SLFN13: variants seen among roughly 807,000 people sequenced by gnomAD.
SLFN13 encodes the protein schlafen-13.
A neutral mutation model predicts 50.6 loss-of-function variants in SLFN13; 43 were observed. The ratio of observed to expected loss-of-function variants is 0.85; its 90% CI spans 0.67 to 1.09. The LOEUF (loss-of-function observed/expected upper bound fraction) is 1.09, where lower values mean the gene tolerates loss of function less well. Ranked by LOEUF, SLFN13 falls within the 50% of genes least tolerant of loss-of-function variation. The pLI, the probability that SLFN13 is intolerant of heterozygous loss-of-function variation, is 0.00. For missense variants in SLFN13, 881 were observed against 1,071.1 expected (o/e 0.82, Z 2.48); for synonymous variants, 339 against 386.5 (o/e 0.88, Z 1.44).
chr17:35,444,455 T>C (rs1567863413), intron 3 of SLFN13, among the ~76,000 whole-genome samples, 160 bp downstream of exon 3: 1 of 152,236 alleles, frequency 6.6e-6, no homozygotes, highest in Non-Finnish European at 1.5e-5. Flanking sequence ...CATTTTGGCT[T>C]TTTCTCACCC....
chr17:35,444,852 T>C lies in SLFN13; in HGVS notation c.829A>G (p.Ile277Val), dbSNP rs553999192. The C allele has an allele frequency of 1.4e-5, 23 of 1,614,246 alleles. No homozygotes were observed. The South Asian group carries it at 2.3e-4, about 16-fold the overall frequency. The change falls in exon 3 of 6, where the codon ATT becomes GTT. Residue 277 changes from isoleucine to valine, a missense_variant. Transcript: ENST00000285013. ...DSLKNVIARAISKLPIVHFCS... is the reference protein window; with the variant it reads ...DSLKNVIARAVSKLPIVHFCS... The stretch of plus-strand genomic sequence containing the variant: ...AAATGAACAATGGGCAACTTAGAAA[T>C]TGCTCTTGCAATTACATTTTTCAAA...
Position 35,443,911 on chromosome 17 carries a change from G to A in SLFN13, c.1076C>T (p.Pro359Leu), listed in dbSNP as rs560433940. 1.2e-4 allele frequency: 191 copies of A among 1,612,666 alleles called. 1 individual carries two copies. The South Asian group carries it at 1.9e-3, about 16-fold the overall frequency. The change falls in exon 4 of 6, where the codon CCA becomes CTA. Residue 359 changes from proline to leucine, a missense_variant. Around this residue, in one of 5 missense-constraint regions of SLFN13, gnomAD observed 497 missense variants for 518.3 expected, o/e 0.96. Transcript: ENST00000285013. Reference sequence around the variant, plus strand: ...AGACTCAAAGGCCTCAGCAAAGTCTGGAGGAAACTCTGAAAGAAAGAACAT... The same window carrying A: ...AGACTCAAAGGCCTCAGCAAAGTCTAGAGGAAACTCTGAAAGAAAGAACAT... ...KMMDADPEFP[P>L]DFAEAFESQL...
chr17:35,448,045 T>TTAC (rs1251424030), intron 1 of SLFN13, among the ~76,000 whole-genome samples: 2 of 148,946 alleles, frequency 1.3e-5, no homozygotes, highest in Non-Finnish European at 3.0e-5. Flanking sequence ...TAGTATTATA[T>TTAC]TATTATTATT....
rs368732471 is a variant in SLFN13 at position 35,444,780 on chromosome 17, C to G, written c.901G>C (p.Val301Leu). ...RVEYSTKIVE[V>L]FCGKELYGYL... ...CCATACAACTCTTTCCCACAAAACACTTCTACGATTTTGGTGCTGTACTCT... is the reference window on the plus strand; with the variant it reads ...CCATACAACTCTTTCCCACAAAACAGTTCTACGATTTTGGTGCTGTACTCT... The change falls in exon 3 of 6, where the codon GTG (valine) becomes CTG (leucine). Residue 301 changes from valine to leucine, a missense_variant. Transcript: ENST00000285013. 2 of 1,614,090 alleles carry G rather than the reference C, an allele frequency of 1.2e-6. No individual in the cohort carries two copies. Among genetic ancestry groups the G allele is most frequent in the African/African-American group, 2.7e-5 (2 of 74,924 alleles).
At chr17:35,441,491 A>G in intron 5 of SLFN13, 72 bp downstream of exon 5, 11 of 1,604,730 alleles carry the variant, frequency 6.9e-6, no homozygotes, top group Non-Finnish European at 9.4e-6. Flanking sequence ...TTCTCAAGGA[A>G]GAAGGTGACT....
Position 35,445,672 on chromosome 17 carries a change from T to C in SLFN13, c.9A>G (p.Ala3=), listed in dbSNP as rs200698332. 8.0e-5 allele frequency: 128 copies of C among 1,594,594 alleles called. No individual in the cohort carries two copies. Among genetic ancestry groups the C allele is most frequent in the Non-Finnish European group, 1.1e-4 (123 of 1,169,490 alleles). The change falls in exon 3 of 6, where the codon GCA becomes GCG. Residue 3 remains alanine (A), a synonymous_variant. Transcript: ENST00000285013. The stretch of plus-strand genomic sequence containing the variant: ...GATACACACCCAGGGAGCAGTGATT[T>C]GCCTCCATGTTGAACTTGCACCTTA... ME[A]NHCSLGVYPS... is the part of the protein sequence containing the mutation.
intron 4 of SLFN13, 138 bp from the exon 5 acceptor site, chr17:35,442,424 G>C: frequency 2.8e-6 from 3 of 1,071,726 alleles, no homozygotes; most frequent in Non-Finnish European, 3.9e-6. Context: ...GTGCATCTCT[G>C]GTTTTTTGTT....
At chr17:35,443,429 G>A (rs545396773) in intron 4 of SLFN13, among the ~76,000 whole-genome samples, 1 of 152,232 alleles carries the variant, frequency 6.6e-6, no homozygotes, top group South Asian at 2.1e-4. Flanking sequence ...TGTTCCCCTT[G>A]TAGTTGTACT....
chr17:35,443,649 G>A, intron 4 of SLFN13, 140 bp downstream of exon 4: 1 of 841,668 alleles, frequency 1.2e-6, no homozygotes, highest in Middle Eastern at 3.7e-4. Flanking sequence ...AAAGGCACCT[G>A]AAACTCATCC....
intron 1 of SLFN13, among the ~76,000 whole-genome samples, 191 bp from the exon 2 acceptor site, chr17:35,447,605 CCTCCCATCCA>C (rs1486628613): frequency 3.9e-5 from 6 of 152,186 alleles, no homozygotes; most frequent in Non-Finnish European, 7.3e-5. Flanking sequence ...CAACACAAAT[CCTCCCATCCA>C]CTCCCAAGCC....
chr17:35,445,828 C>A, intron 2 of SLFN13, 135 bp from the exon 3 acceptor site: 1 of 747,426 alleles, frequency 1.3e-6, no homozygotes, highest in South Asian at 2.2e-5. Context: ...CAGGTATAGT[C>A]TCTTTAGGAG....
In SLFN13 at chr17:35,445,343, C is replaced by T. The variant is rs759284209; in HGVS notation, c.338G>A (p.Ser113Asn). Residue 113 changes from serine to asparagine, a missense_variant, in exon 3 of 6, where the codon AGT becomes AAT. Around this residue, in one of 5 missense-constraint regions of SLFN13, gnomAD observed 497 missense variants for 518.3 expected, o/e 0.96. Transcript: ENST00000285013. ...ACCATCTTTAAGGAAAGGATCACCA[C>T]TCCAAGATTTAACAAAAATATAAAA... ...RCFYIFVKSW[S>N]GDPFLKDGSF... 14 of 1,613,820 alleles carry T rather than the reference C, an allele frequency of 8.7e-6. No homozygotes were observed. In the South Asian group the frequency reaches 1.3e-4, roughly 15 times the overall value.
rs1912697907 is a variant in SLFN13 at position 35,438,306 on chromosome 17, T to C, written c.*2289A>G. On this transcript the variant is annotated 3_prime_UTR_variant, in exon 6 of 6. Coordinates refer to ENST00000285013, the MANE Select transcript of SLFN13 (RefSeq NM_144682.6). ...TTAAAACAGAAATGCAATAAATATA[T>C]AAGCTAAACATTTCCTCATCATATG... is the stretch of plus-strand genomic sequence containing the variant. The C allele has an allele frequency of 2.6e-5, 4 of 151,886 alleles. No individual in the cohort carries two copies. Among genetic ancestry groups the C allele is most frequent in the Admixed American group, 2.6e-4 (4 of 15,260 alleles). 9.4% of individuals were successfully genotyped at this position (151,886 alleles called of 1,614,324 possible). A position where few individuals can be genotyped will look rare whatever the true frequency, so the allele number is the denominator to read the frequency against.
Position 35,438,003 on chromosome 17 carries a change from G to A in SLFN13, c.*2592C>T, listed in dbSNP as rs1482435125. 1 of 151,896 alleles carries A rather than the reference G, an allele frequency of 6.6e-6. No homozygotes were observed. The highest frequency in any genetic ancestry group is 1.5e-5 in the Non-Finnish European group (1 of 68,060). The allele number at this position is 151,896 out of a possible 1,614,324, so 9.4% of individuals were successfully genotyped here. Reference sequence around the variant, plus strand: ...ATGCCTATAATCCCAGCAATGGGAGGCTAAGGCAAGAGGATCACTTGAGCC... The same window carrying A: ...ATGCCTATAATCCCAGCAATGGGAGACTAAGGCAAGAGGATCACTTGAGCC... On this transcript the variant is annotated 3_prime_UTR_variant, in exon 6 of 6. Transcript: ENST00000285013.
chr17:35,448,146 A>T (rs867603725), intron 1 of SLFN13: 1 of 152,022 alleles, frequency 6.6e-6, no homozygotes, highest in African/African-American at 2.4e-5. Flanking sequence ...GGCCTTTCAA[A>T]GTGCTGAAGC....
rs550904740 is a variant in SLFN13, at chr17:35,438,609, C to T, written c.*1986G>A. The T allele has an allele frequency of 1.5e-4, 23 of 152,148 alleles. No homozygotes were observed. Among genetic ancestry groups the T allele is most frequent in the African/African-American group, 5.3e-4 (22 of 41,538 alleles). The allele number at this position is 152,148 out of a possible 1,614,324, so 9.4% of individuals were successfully genotyped here. A position where few individuals can be genotyped will look rare whatever the true frequency, so the allele number is the denominator to read the frequency against. On this transcript the variant is annotated 3_prime_UTR_variant, in exon 6 of 6. Coordinates refer to ENST00000285013, the MANE Select transcript of SLFN13 (RefSeq NM_144682.6). ...AGAAAGAAAGAAGAAATATTTTTCT[C>T]CTTATTTTGCTGATCTGTCAGATTT... is the stretch of plus-strand genomic sequence containing the variant.
At chr17:35,444,526 T>C (rs1913086955) in intron 3 of SLFN13, 89 bp downstream of exon 3, 15 of 1,190,810 alleles carry the variant, frequency 1.3e-5, no homozygotes, top group Non-Finnish European at 1.7e-5. Flanking sequence ...TCAGTGGGTG[T>C]GAGAAGGTCA....
chr17:35,448,562 C>A (rs1375941761), intron 1 of SLFN13, among the ~76,000 whole-genome samples, 160 bp downstream of exon 1: 1 of 152,042 alleles, frequency 6.6e-6, no homozygotes, highest in African/African-American at 2.4e-5. Flanking sequence ...GCAAATACCC[C>A]GACTCCACCG....
intron 2 of SLFN13, chr17:35,446,746 T>C (rs1469936657): frequency 6.6e-6 from 1 of 152,162 alleles, no homozygotes; most frequent in Non-Finnish European, 1.5e-5. Flanking sequence ...AAATCAGTCC[T>C]GAAGTACCTG....
Sources: gnomAD v4.1 joint callset for allele counts (sites outside exome capture counted in the v4.1 genomes callset) on GRCh38, gnomAD v4.1.1 for gene constraint, gnomAD v4.1.1 regional missense constraint, MANE v1.5 for transcripts, NCBI Gene and HGNC (gene_info 2026-07-23, HGNC 2026-07-21) for gene names.